The following CNTNAP5 variants were observed in gnomAD, a reference collection of about 807,000 sequenced individuals.
The protein encoded by CNTNAP5 is contactin associated protein family member 5.
A neutral mutation model predicts 150.2 loss-of-function variants in CNTNAP5; 72 were observed. That is an observed-to-expected ratio of 0.48 (90% CI 0.40 to 0.58). The LOEUF is 0.58. CNTNAP5 is among the 20% of genes least tolerant of loss of function. The pLI, the probability that CNTNAP5 is intolerant of heterozygous loss-of-function variation, is 0.00. For synonymous variants in CNTNAP5, 672 were observed against 619.8 expected, an observed-to-expected ratio of 1.08 and a Z score of -1.25; for missense variants, 1,636 against 1,626.2, an observed-to-expected ratio of 1.01 and a Z score of -0.10.
chr2:124,524,283 C>T lies in CNTNAP5; in HGVS notation c.1328-20C>T. On this transcript the variant is annotated intron_variant, in intron 8 of 23. Coordinates refer to ENST00000682447, the MANE Select transcript of CNTNAP5 (RefSeq NM_001367498.1). ...TCTGGACCCATCATCTCTATGCTTA[C>T]TCTCTTGTTTCTCTTGCAGGCAGCA... 1 of 1,613,408 alleles carries T rather than the reference C, an allele frequency of 6.2e-7. No individual in the cohort carries two copies. Among genetic ancestry groups the T allele is most frequent in the Non-Finnish European group, 8.5e-7 (1 of 1,179,562 alleles).
At chr2:124,271,392 C>T (rs1687747897) in intron 3 of CNTNAP5, among the ~76,000 whole-genome samples, 1 of 152,018 alleles carries the variant, frequency 6.6e-6, no homozygotes, top group Non-Finnish European at 1.5e-5. Flanking sequence ...CAACCGAAGC[C>T]CATTTCATGG....
chr2:124,045,812 C>T (rs771094396), intron 1 of CNTNAP5, among the ~76,000 whole-genome samples: 3 of 152,108 alleles, frequency 2.0e-5, no homozygotes, highest in Non-Finnish European at 4.4e-5. Flanking sequence ...AAGGCCATTC[C>T]TCCACTTCCC....
intron 13 of CNTNAP5, among the ~76,000 whole-genome samples, chr2:124,706,789 AAGAAGAAGGAGG>A (rs1679654808): frequency 6.5e-5 from 2 of 31,000 alleles, no homozygotes; most frequent in Admixed American, 3.1e-4. Flanking sequence ...GAAGAAGAAG[AAGAAGAAGGAGG>A]AGGAGGAGGA....
intron 3 of CNTNAP5, among the ~76,000 whole-genome samples, chr2:124,381,334 T>C (rs1187358068): frequency 6.6e-6 from 1 of 152,160 alleles, no homozygotes; most frequent in Non-Finnish European, 1.5e-5. Flanking sequence ...ACACCAGTTC[T>C]GGGAGGATGG....
intron 11 of CNTNAP5, among the ~76,000 whole-genome samples, chr2:124,590,055 CCCCT>C (rs2104958986): frequency 6.6e-6 from 1 of 151,292 alleles, no homozygotes; most frequent in African/African-American, 2.4e-5. Context: ...GATGAGTTTT[CCCCT>C]CCCTCTCTCT....
chr2:124,199,385 T>A (rs927191986), intron 1 of CNTNAP5, among the ~76,000 whole-genome samples: 1 of 151,444 alleles, frequency 6.6e-6, no homozygotes, highest in African/African-American at 2.4e-5. Context: ...AATTTTTTCA[T>A]GTATTTTGTT....
In CNTNAP5 at chr2:124,570,259, G is replaced by A. The variant is rs570419540; in HGVS notation, c.1756+6936G>A. Among the ~76,000 whole-genome samples the A allele has an allele frequency of 2.0e-4, 31 of 152,306 alleles. No homozygotes were observed. In the South Asian group the frequency reaches 6.2e-3, roughly 31 times the overall value. Reference sequence around the variant, plus strand: ...GTAGCAAGAGCATTGTTACTTTCTTGAGAAAGTGAGAAAGTGCTCAAAATA... The same window carrying A: ...GTAGCAAGAGCATTGTTACTTTCTTAAGAAAGTGAGAAAGTGCTCAAAATA... On this transcript the variant is annotated intron_variant, in intron 11 of 23. Coordinates refer to ENST00000682447, the MANE Select transcript of CNTNAP5 (RefSeq NM_001367498.1).
intron 19 of CNTNAP5, among the ~76,000 whole-genome samples, chr2:124,846,257 T>C (rs1309046283): frequency 1.3e-5 from 2 of 152,154 alleles, no homozygotes; most frequent in Non-Finnish European, 2.9e-5. Context: ...CTTGATTTCA[T>C]TGGTGGCTTT....
At chr2:124,838,480 T>G (rs1682875828) in intron 19 of CNTNAP5, among the ~76,000 whole-genome samples, 1 of 152,162 alleles carries the variant, frequency 6.6e-6, no homozygotes, top group East Asian at 1.9e-4. Flanking sequence ...AAGGGGTGTC[T>G]TATGAAAGAA....
intron 3 of CNTNAP5, among the ~76,000 whole-genome samples, chr2:124,404,188 T>C (rs929116868): frequency 6.6e-6 from 1 of 152,310 alleles, no homozygotes; most frequent in Middle Eastern, 3.4e-3. Context: ...GCACCAGACT[T>C]GCAACAGAGT....
chr2:124,647,762 C>A lies in CNTNAP5; in HGVS notation c.1881C>A (p.Asp627Glu), dbSNP rs371361669. The A allele has an allele frequency of 4.4e-6, 7 of 1,591,412 alleles. No homozygotes were observed. Among genetic ancestry groups the A allele is most frequent in the Non-Finnish European group, 4.3e-6 (5 of 1,163,750 alleles). The change falls in exon 13 of 24, where the codon GAC (aspartate) becomes GAA (glutamate). Residue 627 changes from aspartate (D) to glutamate (E), a missense_variant. Physicochemically the swap from Asp to Glu is conservative, Grantham distance 45. Coordinates refer to ENST00000682447, the MANE Select transcript of CNTNAP5 (RefSeq NM_001367498.1). ...PLQVYCNITEDKIWTSVQHNN... is the reference protein window; with the variant it reads ...PLQVYCNITEEKIWTSVQHNN... The stretch of plus-strand genomic sequence containing the variant: ...TGTGTTGTGTTGTCTGGGCAGAGGA[C>A]AAGATCTGGACATCAGTGCAGCACA...
At chr2:124,375,719 C>T (rs550347423) in intron 3 of CNTNAP5, among the ~76,000 whole-genome samples, 200 of 152,064 alleles carry the variant, frequency 1.3e-3, no homozygotes, top group African/African-American at 4.6e-3. Flanking sequence ...CGAAACTGAC[C>T]GAGTGGCGTA....
intron 1 of CNTNAP5, among the ~76,000 whole-genome samples, chr2:124,088,854 G>A (rs1046797256): frequency 6.6e-6 from 1 of 152,122 alleles, no homozygotes; most frequent in Admixed American, 6.5e-5. Flanking sequence ...TCTCATGGAC[G>A]TGGAAGTGCA....
At chr2:124,219,598 TTGTGTGTGTG>T (rs1466370720) in intron 1 of CNTNAP5, among the ~76,000 whole-genome samples, 1 of 151,896 alleles carries the variant, frequency 6.6e-6, no homozygotes, top group Non-Finnish European at 1.5e-5. Flanking sequence ...ATATATGTGT[TTGTGTGTGTG>T]TGGTTTGTAT....
chr2:124,113,506 A>ACG (rs1553438439), intron 1 of CNTNAP5, among the ~76,000 whole-genome samples: 2 of 142,794 alleles, frequency 1.4e-5, no homozygotes, highest in African/African-American at 5.2e-5. Context: ...ATACATATAT[A>ACG]TGTGTGTGTG....
chr2:124,330,127 A>C (rs1689313817), intron 3 of CNTNAP5, among the ~76,000 whole-genome samples: 1 of 152,104 alleles, frequency 6.6e-6, no homozygotes. Context: ...TACTTATAAG[A>C]CTAGAAACTC....
rs146966992 is a variant in CNTNAP5, at chr2:124,195,618, T to TAC, written c.83-26073_83-26072dup. 3.6e-3 allele frequency among the ~76,000 whole-genome samples: 544 copies of TAC among 151,628 alleles called. 6 individuals are homozygous for TAC. Among genetic ancestry groups the TAC allele is most frequent in the East Asian group, 0.031 (161 of 5,158 alleles). Reference sequence around the variant, plus strand: ...CCCAATTCCTTTCACACATATTAAATACACACACACACACATAATTCAAAA... The same window carrying TAC: ...CCCAATTCCTTTCACACATATTAAATACACACACACACACACATAATTCAAAA... On this transcript the variant is annotated intron_variant, in intron 1 of 23. Coordinates refer to ENST00000682447, the MANE Select transcript of CNTNAP5 (RefSeq NM_001367498.1).
intron 3 of CNTNAP5, among the ~76,000 whole-genome samples, chr2:124,316,804 CAAAAAAAAAAAAAAA>C (rs56812690): frequency 3.7e-5 from 2 of 54,770 alleles, no homozygotes; most frequent in African/African-American, 6.8e-5. Context: ...GACTCCATCT[CAAAAAAAAAAAAAAA>C]AAAAAAAAAG....
At chr2:124,601,411 C>CA (rs1696980699) in intron 11 of CNTNAP5, among the ~76,000 whole-genome samples, 1 of 152,302 alleles carries the variant, frequency 6.6e-6, no homozygotes, top group Middle Eastern at 3.4e-3. Context: ...AAACCACAGA[C>CA]ATTTGTTTAC....
Sources: allele counts gnomAD v4.1 joint callset (sites outside exome capture counted in the v4.1 genomes callset), GRCh38; gene constraint gnomAD v4.1.1; transcripts MANE v1.5; gene names NCBI Gene and HGNC (gene_info 2026-07-23, HGNC 2026-07-21).